Variants in FANCB observed in about 807,000 individuals in gnomAD.
FANCB encodes the protein Fanconi anemia group B protein.
FANCB carries 5 observed loss-of-function variants against 38.9 expected under a neutral mutation model. That is an observed-to-expected ratio of 0.13 (90% CI 0.07 to 0.27). The LOEUF (loss-of-function observed/expected upper bound fraction) is 0.27. Ranked by LOEUF, FANCB falls within the 10% of genes least tolerant of loss-of-function variation. FANCB has a pLI of 1.00. For synonymous variants in FANCB, 236 were observed against 215.4 expected, an observed-to-expected ratio of 1.10 and a Z score of -0.84; for missense variants, 573 against 602.7, an observed-to-expected ratio of 0.95 and a Z score of 0.52.
the FANCB span, among the ~76,000 whole-genome samples, chrX:14,781,194 C>T: frequency 1.8e-5 from 2 of 109,926 alleles, 1 homozygote; most frequent in African/African-American, 6.8e-5. Context: ...CTTTGGGAGG[C>T]TCAGGTGGGC....
At chrX:14,750,292 G>A in the FANCB span, among the ~76,000 whole-genome samples, 1 of 111,872 alleles carries the variant, frequency 8.9e-6, no homozygotes, top group African/African-American at 3.3e-5. Flanking sequence ...CACAAACTCA[G>A]AGGCTTAACA....
chrX:14,857,963 T>C lies in FANCB; in HGVS notation c.1105-9A>G, dbSNP rs1172400901. 2.4e-5 allele frequency: 24 copies of C among 982,123 alleles called. No individual in the cohort carries two copies. In the Admixed American group the frequency reaches 5.5e-4, roughly 22 times the overall value. The allele number at this position is 982,123 out of a possible 1,213,427, so 80.9% of individuals were successfully genotyped here. A position where few individuals can be genotyped will look rare whatever the true frequency, so the allele number is the denominator to read the frequency against. On this transcript the variant is annotated splice_polypyrimidine_tract_variant and intron_variant, in intron 4 of 9. Coordinates refer to ENST00000650831, the MANE Select transcript of FANCB (RefSeq NM_001018113.3). Reference sequence around the variant, plus strand: ...CAATCTGATGGTTCACTCTAATAAATAAATAAATAAATAAATACACTAAGA... The same window carrying C: ...CAATCTGATGGTTCACTCTAATAAACAAATAAATAAATAAATACACTAAGA...
the FANCB span, among the ~76,000 whole-genome samples, chrX:14,728,090 CT>C: frequency 8.9e-6 from 1 of 112,099 alleles, no homozygotes; most frequent in Non-Finnish European, 1.9e-5. Context: ...TTTATAGTTA[CT>C]TTTTAAAGAC....
At chrX:14,723,460 T>C in the FANCB span, among the ~76,000 whole-genome samples, 1 of 112,325 alleles carries the variant, frequency 8.9e-6, no homozygotes, top group African/African-American at 3.2e-5. Flanking sequence ...TGCGTTCCTC[T>C]AGGCAGTCAT....
At chrX:14,749,016 T>G in the FANCB span, among the ~76,000 whole-genome samples, 10 of 111,534 alleles carry the variant, frequency 9.0e-5, no homozygotes, top group Non-Finnish European at 1.7e-4. Context: ...GCATTTCACA[T>G]AAGGAGTCTA....
chrX:14,715,237 A>G, the FANCB span, among the ~76,000 whole-genome samples: 2 of 112,551 alleles, frequency 1.8e-5, no homozygotes, highest in Non-Finnish European at 3.8e-5. Flanking sequence ...GGTGTTTCAA[A>G]AATAGAAAAC....
At chrX:14,837,888 C>T (rs1011113400) in intron 10 of FANCB, among the ~76,000 whole-genome samples, 4 of 111,635 alleles carry the variant, frequency 3.6e-5, no homozygotes, top group African/African-American at 1.3e-4. Context: ...GTTTCTTTAT[C>T]GATAAACAGA....
chrX:14,777,671 A>G, the FANCB span, among the ~76,000 whole-genome samples: 1 of 112,238 alleles, frequency 8.9e-6, no homozygotes, highest in Non-Finnish European at 1.9e-5. Context: ...TCACTCCTAA[A>G]TATGACTCAT....
At chrX:14,832,336 G>C (rs2092329355), downstream of FANCB, among the ~76,000 whole-genome samples, 1 of 111,121 alleles carries the variant, frequency 9.0e-6, no homozygotes, top group South Asian at 3.8e-4. Context: ...GTATTAACGT[G>C]GCCATCTTCT....
intron 5 of FANCB, among the ~76,000 whole-genome samples, chrX:14,854,634 C>A (rs1184518713): frequency 9.0e-6 from 1 of 111,634 alleles, no homozygotes; most frequent in Non-Finnish European, 1.9e-5. Flanking sequence ...AGGAGCATAT[C>A]GTACTGCACG....
downstream of FANCB, among the ~76,000 whole-genome samples, chrX:14,839,140 A>G (rs1476664675): frequency 9.0e-6 from 1 of 111,069 alleles, no homozygotes; most frequent in African/African-American, 3.3e-5. Context: ...CTAAAAATAC[A>G]AAACTTAGGC....
At chrX:14,839,177 C>T (rs1486764094), downstream of FANCB, among the ~76,000 whole-genome samples, 1 of 110,840 alleles carries the variant, frequency 9.0e-6, no homozygotes, top group Non-Finnish European at 1.9e-5. Flanking sequence ...ACCTGTAGTC[C>T]CGGCTACTTG....
At chrX:14,704,589 A>T in the FANCB span, among the ~76,000 whole-genome samples, 2 of 111,898 alleles carry the variant, frequency 1.8e-5, no homozygotes, top group African/African-American at 6.5e-5. Context: ...TTTGGGGACA[A>T]TATGCTTAAA....
At chrX:14,758,967 A>G in the FANCB span, among the ~76,000 whole-genome samples, 1 of 111,916 alleles carries the variant, frequency 8.9e-6, no homozygotes, top group African/African-American at 3.3e-5. Flanking sequence ...TCTTAAATAA[A>G]AAAAAAATTA....
At chrX:14,797,447 T>C in the FANCB span, among the ~76,000 whole-genome samples, 3 of 111,785 alleles carry the variant, frequency 2.7e-5, no homozygotes, top group Admixed American at 9.5e-5. Flanking sequence ...TTAGGGAGGC[T>C]GAAGTGGGTG....
chrX:14,732,648 T>G, the FANCB span, among the ~76,000 whole-genome samples: 3 of 112,657 alleles, frequency 2.7e-5, no homozygotes, highest in Non-Finnish European at 5.6e-5. Context: ...TGATGAGCTT[T>G]TTTTCATGTT....
At chrX:14,742,851 A>G in the FANCB span, among the ~76,000 whole-genome samples, 1 of 112,799 alleles carries the variant, frequency 8.9e-6, no homozygotes, top group Non-Finnish European at 1.9e-5. Context: ...TTCCTAATTG[A>G]AATGTTAAAA....
the FANCB span, among the ~76,000 whole-genome samples, chrX:14,717,816 C>T: frequency 9.2e-6 from 1 of 108,978 alleles, no homozygotes. Flanking sequence ...TTAGATTACT[C>T]AGTTATGAAT....
the FANCB span, among the ~76,000 whole-genome samples, chrX:14,723,929 A>C: frequency 1.8e-5 from 2 of 111,503 alleles, no homozygotes; most frequent in African/African-American, 6.5e-5. Flanking sequence ...CCTTCATCTC[A>C]AGGTTGCAAA....
Sources: allele counts gnomAD v4.1 joint callset (sites outside exome capture counted in the v4.1 genomes callset), GRCh38; gene constraint gnomAD v4.1.1; transcripts MANE v1.5; gene names NCBI Gene and HGNC (gene_info 2026-07-23, HGNC 2026-07-21).